Variants in SYNE2 observed in about 807,000 individuals in gnomAD.
The protein encoded by SYNE2 is spectrin repeat containing nuclear envelope protein 2.
A neutral mutation model predicts 856.3 loss-of-function variants in SYNE2; 431 were observed. The observed-to-expected ratio is 0.50, with a 90% CI of 0.47 to 0.55. SYNE2 has a LOEUF of 0.55. SYNE2 is among the 20% of genes least tolerant of loss of function. The probability of loss-of-function intolerance (pLI) is 0.00; values close to 1 mark genes in which losing one functional copy is unlikely to be tolerated. For missense variants in SYNE2, 8,129 were observed against 8,023.2 expected, an observed-to-expected ratio of 1.01 and a Z score of -0.50; for synonymous variants, 2,923 against 2,872.3, an observed-to-expected ratio of 1.02 and a Z score of -0.56.
intron 57 of SYNE2, chr14:64,085,056 T>C (rs2097550119): frequency 2.9e-6 from 2 of 697,442 alleles, no homozygotes; most frequent in African/African-American, 3.5e-5. Context: ...GAGAGAGCTG[T>C]CAAGACAGAA....
rs1172908237 is a variant in SYNE2 at position 64,093,473 on chromosome 14, A to C, written c.12101A>C (p.Gln4034Pro). Residue 4034 changes from glutamine (Q) to proline (P), a missense_variant, in exon 61 of 116, where the codon CAA (glutamine) becomes CCA (proline). By Grantham distance (76) the Gln-to-Pro change is moderately conservative. This residue lies in a region of SYNE2 where 5,410 missense variants were observed against 5,284.8 expected (regional missense o/e 1.02). Coordinates refer to ENST00000555002, the MANE Select transcript of SYNE2 (RefSeq NM_182914.3). ...MSPDQADKLP[Q>P]LQGEIERMEK... ...CCAGACCAAGCTGACAAGCTGCCAC[A>C]ACTACAGGTATGTTTCTTTCATTCA... 1 of 1,614,138 alleles carries C rather than the reference A, an allele frequency of 6.2e-7. No individual in the cohort carries two copies. The highest frequency in any genetic ancestry group is 1.7e-5 in the Admixed American group (1 of 60,028).
intron 88 of SYNE2, among the ~76,000 whole-genome samples, chr14:64,163,164 A>C (rs1447814735): frequency 6.6e-6 from 1 of 152,088 alleles, no homozygotes; most frequent in Non-Finnish European, 1.5e-5. Context: ...AGAAGCCTCG[A>C]CTCTATTAGT....
intron 57 of SYNE2, among the ~76,000 whole-genome samples, chr14:64,082,654 A>C (rs779667138): frequency 1.3e-5 from 2 of 152,200 alleles, no homozygotes; most frequent in Non-Finnish European, 2.9e-5. Context: ...ACCGGACTGC[A>C]TCCTTGTGGC....
intron 1 of SYNE2, among the ~76,000 whole-genome samples, chr14:63,834,124 T>G (rs560521781): frequency 6.6e-6 from 1 of 152,330 alleles, no homozygotes; most frequent in South Asian, 2.1e-4. Context: ...TAGCAAAGAA[T>G]ATTTAAGGAA....
intron 99 of SYNE2, among the ~76,000 whole-genome samples, chr14:64,197,511 G>T (rs1016866506): frequency 6.6e-6 from 1 of 152,208 alleles, no homozygotes; most frequent in Non-Finnish European, 1.5e-5. Context: ...GATTTGTACA[G>T]TGTTTTTTGC....
intron 85 of SYNE2, among the ~76,000 whole-genome samples, chr14:64,155,456 G>A (rs921532757): frequency 1.3e-5 from 2 of 152,036 alleles, no homozygotes; most frequent in Admixed American, 6.6e-5. Context: ...AACGAGGAGT[G>A]ACTGCTAATA....
intron 19 of SYNE2, 67 bp downstream of exon 19, chr14:63,986,684 A>G: frequency 2.6e-6 from 4 of 1,535,148 alleles, no homozygotes; most frequent in Non-Finnish European, 3.6e-6. Flanking sequence ...GTTAAATAAG[A>G]AGTTTTAAAG....
chr14:64,148,756 TCCCTAGCAC>T (rs1198914415), intron 84 of SYNE2, among the ~76,000 whole-genome samples: 1 of 152,070 alleles, frequency 6.6e-6, no homozygotes, highest in Non-Finnish European at 1.5e-5. Flanking sequence ...AAAACAGGCT[TCCCTAGCAC>T]CCCATGTAGC....
intron 77 of SYNE2, 125 bp downstream of exon 77, chr14:64,132,563 G>A (rs1323295527): frequency 2.3e-6 from 3 of 1,287,768 alleles, no homozygotes; most frequent in Non-Finnish European, 3.3e-6. Context: ...CTGACAGTGA[G>A]GAATGTGGAC....
At chr14:63,913,433 T>A (rs1465868360) in intron 2 of SYNE2, among the ~76,000 whole-genome samples, 1 of 151,326 alleles carries the variant, frequency 6.6e-6, no homozygotes, top group Admixed American at 6.6e-5. Flanking sequence ...TTCATATATA[T>A]ATGTATTTTT....
Position 63,997,097 on chromosome 14 carries a change from A to G in SYNE2, c.3091A>G (p.Lys1031Glu). Residue 1031 changes from lysine (K) to glutamate (E), a missense_variant, in exon 24 of 116, where the codon AAA becomes GAA. Transcript: ENST00000555002. ...TGAACAAAAGATAGAAAGACTTCTG[A>G]AATGTGCTTCCGAGATTCATATGAC... ...DYEQKIERLLKCASEIHMTLQ... is the reference protein window; with the variant it reads ...DYEQKIERLLECASEIHMTLQ... 2 of 1,614,142 alleles carry G rather than the reference A, an allele frequency of 1.2e-6. No individual in the cohort carries two copies. Among genetic ancestry groups the G allele is most frequent in the Non-Finnish European group, 1.7e-6 (2 of 1,180,008 alleles).
intron 94 of SYNE2, among the ~76,000 whole-genome samples, chr14:64,171,285 T>G (rs1407763181): frequency 6.6e-6 from 1 of 152,250 alleles, no homozygotes; most frequent in Non-Finnish European, 1.5e-5. Flanking sequence ...TCACTCATTA[T>G]GCAATCATCG....
At chr14:63,785,283 AC>A (rs540345637) in intron 1 of SYNE2, among the ~76,000 whole-genome samples, 147 of 152,028 alleles carry the variant, frequency 9.7e-4, no homozygotes, top group African/African-American at 3.4e-3. Context: ...ACATGGCAAA[AC>A]CCCGTCTCTA....
intron 7 of SYNE2, among the ~76,000 whole-genome samples, chr14:63,953,539 G>GATAGAT (rs1566897832): frequency 0.019 from 2,524 of 131,322 alleles, 86 homozygotes; most frequent in African/African-American, 0.071. Flanking sequence ...GATAGAGAGA[G>GATAGAT]AGAGAGATAG....
intron 6 of SYNE2, among the ~76,000 whole-genome samples, chr14:63,944,512 CCTTT>C (rs1566869961): frequency 7.2e-6 from 1 of 138,006 alleles, no homozygotes. Flanking sequence ...AAACTTAAAG[CCTTT>C]CTTTTTTTTT....
intron 56 of SYNE2, 60 bp from the exon 57 acceptor site, chr14:64,081,381 AGG>A: frequency 6.2e-7 from 1 of 1,606,802 alleles, no homozygotes. Flanking sequence ...CTCTTCATCT[AGG>A]AGTCATTCAG....
In SYNE2 at chr14:64,031,797, T is replaced by C. The variant is rs146867013; in HGVS notation, c.7221+440T>C. ...TCTTTTTCTTCTTGTGTTAACCCTC[T>C]GTTGTTAGATCATTTAGTGTGAGGA... On this transcript the variant is annotated intron_variant, in intron 45 of 115. Transcript: ENST00000555002. Among the ~76,000 whole-genome samples the C allele has an allele frequency of 1.3e-3, 203 of 152,376 alleles. 2 individuals carry two copies. Among genetic ancestry groups the C allele is most frequent in the African/African-American group, 4.4e-3 (182 of 41,604 alleles).
chr14:63,972,500 A>G (rs1448991431), intron 11 of SYNE2, among the ~76,000 whole-genome samples: 1 of 152,196 alleles, frequency 6.6e-6, no homozygotes, highest in Non-Finnish European at 1.5e-5. Context: ...AGTTGAAACC[A>G]TGTATGCAGT....
At chr14:63,826,568 G>A (rs1889438864) in intron 1 of SYNE2, among the ~76,000 whole-genome samples, 1 of 152,088 alleles carries the variant, frequency 6.6e-6, no homozygotes, top group Non-Finnish European at 1.5e-5. Context: ...CCTAAGTGCT[G>A]GGATTACAGG....
Sources: allele counts gnomAD v4.1 joint callset (sites outside exome capture counted in the v4.1 genomes callset), GRCh38; gene constraint gnomAD v4.1.1; regional missense constraint gnomAD v4.1.1; transcripts MANE v1.5; gene names NCBI Gene and HGNC (gene_info 2026-07-23, HGNC 2026-07-21).